MYL5: variants seen among roughly 807,000 people sequenced by gnomAD.
MYL5 encodes myosin light chain 5, also known as myosin regulatory light chain 5.
MYL5 carries 28 observed loss-of-function variants against 20.8 expected under a neutral mutation model. The observed-to-expected ratio is 1.35, with a 90% confidence interval of 1.00 to 1.84. The LOEUF (loss-of-function observed/expected upper bound fraction) is 1.84. Ranked by LOEUF, MYL5 falls within the 40% of genes most tolerant of loss-of-function variation. The pLI is 0.00. For missense variants in MYL5, 274 were observed against 227.3 expected, an observed-to-expected ratio of 1.21 and a Z score of -1.32; for synonymous variants, 118 against 87.4, an observed-to-expected ratio of 1.35 and a Z score of -1.95.
chr4:674,572 T>C (rs1416589921), upstream of MYL5: 6 of 421,420 alleles, frequency 1.4e-5, no homozygotes, highest in South Asian at 1.4e-4. Flanking sequence ...GTCCGCTGTT[T>C]CCCCGCGCTG....
In MYL5 at chr4:678,208, T is replaced by C. The variant is rs921733484; in HGVS notation, c.3+179T>C. 8 of 1,511,334 alleles carry C rather than the reference T, an allele frequency of 5.3e-6. No individual in the cohort carries two copies. The African/African-American group carries it at 9.6e-5, about 18-fold the overall frequency. The allele number at this position is 1,511,334 out of a possible 1,614,324, so 93.6% of individuals were successfully genotyped here. ...CGTGTGTATGTGCGTGTGTGTGACC[T>C]TGCGGGTGTGGGCTGTGCTGTGTTG... On this transcript the variant is annotated intron_variant, in intron 1 of 6. Coordinates refer to ENST00000400159, the Ensembl canonical transcript of MYL5.
At chr4:678,797 AC>A in intron 2 of MYL5, 32 bp downstream of exon 4, 5 of 1,607,738 alleles carry the variant, frequency 3.1e-6, no homozygotes, top group Admixed American at 1.7e-5. Flanking sequence ...GGGAGCCCCC[AC>A]CCCCAGGAGC....
At chr4:681,611 TCCA>T (rs1269232790) in intron 6 of MYL5, among the ~76,000 whole-genome samples, 215 of 6,456 alleles carry the variant, frequency 0.033, 24 homozygotes, top group African/African-American at 0.049. Flanking sequence ...CCCCGCCCCC[TCCA>T]GCGCCGCCCC....
chr4:681,493 AC>A (rs1428020019), intron 6 of MYL5, among the ~76,000 whole-genome samples: 1 of 105,938 alleles, frequency 9.4e-6, no homozygotes, highest in African/African-American at 3.7e-5. Context: ...ATGCCGGGCC[AC>A]CCCTCAGGAC....
chr4:678,581 G>C, intron 1 of MYL5, 77 bp from the exon 4 acceptor site: 1 of 1,535,662 alleles, frequency 6.5e-7, no homozygotes, highest in Non-Finnish European at 8.8e-7. Flanking sequence ...TCTGAGTTAA[G>C]TCTCTCAAAA....
At chr4:681,621 CCCCG>C (rs1739580053) in intron 6 of MYL5, among the ~76,000 whole-genome samples, 1 of 101,340 alleles carries the variant, frequency 9.9e-6, no homozygotes, top group Non-Finnish European at 2.0e-5. Context: ...TCCAGCGCCG[CCCCG>C]CCCCCTCCAG....
intron 6 of MYL5, among the ~76,000 whole-genome samples, chr4:681,412 C>T (rs1301030327): frequency 1.3e-5 from 2 of 152,000 alleles, no homozygotes; most frequent in African/African-American, 2.4e-5. Flanking sequence ...AGGGGCGGGG[C>T]TCACAGCTGT....
At chr4:678,351 C>A in intron 1 of MYL5, 1 of 1,414,870 alleles carries the variant, frequency 7.1e-7, no homozygotes, top group Non-Finnish European at 9.2e-7. Flanking sequence ...CCACTTGCCC[C>A]TCAAGCCTTC....
chr4:680,580 A>G, exon 5 of MYL5: 3 of 1,612,812 alleles, frequency 1.9e-6, no homozygotes, highest in Non-Finnish European at 2.5e-6. Flanking sequence ...GAAAATCAAC[A>G]AGGAGTAGTG....
chr4:679,916 A>G, exon 4 of MYL5: 1 of 1,613,528 alleles, frequency 6.2e-7, no homozygotes, highest in Non-Finnish European at 8.5e-7. Context: ...TGTAACAGGC[A>G]AGACCAACGT....
Position 681,759 on chromosome 4 carries a change from C to A in MYL5, c.421-134C>A, listed in dbSNP as rs550456962. 2.6e-6 allele frequency: 3 copies of A among 1,154,968 alleles called. No homozygotes were observed. In the African/African-American group the frequency reaches 5.2e-5, roughly 20 times the overall value. 71.5% of individuals were successfully genotyped at this position (1,154,968 alleles called of 1,614,324 possible). Reference sequence around the variant, plus strand: ...AGCGCCGCCCCGCCCCCTCCAGCGCCGCCCTCACCCCGCACCCGGGCCCCT... The same window carrying A: ...AGCGCCGCCCCGCCCCCTCCAGCGCAGCCCTCACCCCGCACCCGGGCCCCT... On this transcript the variant is annotated intron_variant, in intron 6 of 6. Transcript: ENST00000400159.
upstream of MYL5, chr4:677,891 C>G: frequency 1.3e-6 from 2 of 1,484,982 alleles, no homozygotes; most frequent in Admixed American, 3.4e-5. Flanking sequence ...CTGTCCAGTC[C>G]CCTGGGGTAG....
Position 680,597 on chromosome 4 carries a change from CGGGCGGCCA to C in MYL5, c.371+19_371+27del, listed in dbSNP as rs1553822802. ...AAATCAACAAGGAGTAGTGAGTGCCCGGGCGGCCAGGGCGGCCCGGCTTCCGGGGAACCC... is the reference window on the plus strand; with the variant it reads ...AAATCAACAAGGAGTAGTGAGTGCCCGGGCGGCCCGGCTTCCGGGGAACCC... On this transcript the variant is annotated intron_variant, in intron 5 of 6. Transcript: ENST00000400159. 3.1e-6 allele frequency: 5 copies of C among 1,612,640 alleles called. 1 individual carries two copies. Among genetic ancestry groups the C allele is most frequent in the East Asian group, 4.5e-5 (2 of 44,856 alleles).
rs572105459 is a variant in MYL5 at position 680,598 on chromosome 4, G to A, written c.371+11G>A. 7.5e-6 allele frequency: 12 copies of A among 1,601,672 alleles called. No homozygotes were observed. The highest frequency in any genetic ancestry group is 5.5e-5 in the South Asian group (5 of 91,032). On this transcript the variant is annotated intron_variant, in intron 5 of 6. Transcript: ENST00000400159. Reference sequence around the variant, plus strand: ...AATCAACAAGGAGTAGTGAGTGCCCGGGCGGCCAGGGCGGCCCGGCTTCCG... The same window carrying A: ...AATCAACAAGGAGTAGTGAGTGCCCAGGCGGCCAGGGCGGCCCGGCTTCCG...
intron 5 of MYL5, 105 bp downstream of exon 7, chr4:680,692 C>A (rs1739382281): frequency 1.7e-6 from 2 of 1,162,028 alleles, no homozygotes; most frequent in South Asian, 1.3e-5. Context: ...CCCACCTCCC[C>A]ACCTCTGACC....
chr4:679,817 T>G, intron 3 of MYL5, 97 bp from the exon 6 acceptor site: 1 of 769,742 alleles, frequency 1.3e-6, no homozygotes, highest in Non-Finnish European at 2.1e-6. Context: ...CTCCCCACCC[T>G]TCCCATCTGC....
chr4:681,781 C>T (rs979605542), intron 6 of MYL5, 112 bp from the exon 9 acceptor site: 2 of 1,227,186 alleles, frequency 1.6e-6, no homozygotes, highest in African/African-American at 3.2e-5. Context: ...GCACCCGGGC[C>T]CCTCCCCGCT....
intron 1 of MYL5, 36 bp from the exon 4 acceptor site, chr4:678,622 A>G (rs1739100721): frequency 6.3e-7 from 1 of 1,578,382 alleles, no homozygotes; most frequent in African/African-American, 1.3e-5. Flanking sequence ...TTCGTCAGCC[A>G]GCCCAGGACC....
chr4:679,476 C>T (rs1739223059), intron 3 of MYL5, among the ~76,000 whole-genome samples: 1 of 152,208 alleles, frequency 6.6e-6, no homozygotes, highest in African/African-American at 2.4e-5. Flanking sequence ...GCACACTGCC[C>T]TCCCCAGCTT....
Sources: gnomAD v4.1 joint callset for allele counts (sites outside exome capture counted in the v4.1 genomes callset) on GRCh38, gnomAD v4.1.1 for gene constraint, MANE v1.5 for transcripts, NCBI Gene and HGNC (gene_info 2026-07-23, HGNC 2026-07-21) for gene names.